ANKRD33: variants seen among roughly 807,000 people sequenced by gnomAD.
ANKRD33 encodes the protein photoreceptor ankyrin repeat protein.
In ANKRD33, 20 loss-of-function variants were observed where a neutral mutation model predicts 20.6. That is an observed-to-expected ratio of 0.97 (90% confidence interval 0.68 to 1.41). The LOEUF (loss-of-function observed/expected upper bound fraction) is 1.41. Among genes scored for constraint, ANKRD33 ranks in the 40% most tolerant of loss-of-function variants. The pLI is 0.00. For missense variants in ANKRD33, 545 were observed against 579.6 expected (o/e 0.94, Z 0.61); for synonymous variants, 246 against 245.0 (o/e 1.00, Z -0.04).
intron 4 of ANKRD33, chr12:51,890,302 C>T (rs778685017): frequency 8.7e-5 from 60 of 690,386 alleles, no homozygotes; most frequent in Admixed American, 3.5e-4. Flanking sequence ...CAGCCTGCAC[C>T]GCTGCTCTGC....
At chr12:51,890,307 C>A in intron 4 of ANKRD33, 1 of 726,768 alleles carries the variant, frequency 1.4e-6, no homozygotes, top group Non-Finnish European at 2.3e-6. Context: ...TGCACCGCTG[C>A]TCTGCTCAGC....
In ANKRD33 at chr12:51,891,641, ATAAC is replaced by A. The variant is rs1940431768; in HGVS notation, c.*340_*343del. 3 of 325,950 alleles carry A rather than the reference ATAAC, an allele frequency of 9.2e-6. No individual in the cohort carries two copies. The highest frequency in any genetic ancestry group is 4.1e-5 in the African/African-American group (2 of 48,782). 20.2% of individuals were successfully genotyped at this position (325,950 alleles called of 1,614,324 possible). A position where few individuals can be genotyped will look rare whatever the true frequency, so the allele number is the denominator to read the frequency against. On this transcript the variant is annotated 3_prime_UTR_variant, in exon 5 of 5. Coordinates refer to ENST00000301190, the MANE Select transcript of ANKRD33 (RefSeq NM_182608.4). Reference sequence around the variant, plus strand: ...TACCATCAAGATGTATAAAGTAAAAATAACTAAGGAGTGGAACAGTGTATATGGC... The same window carrying A: ...TACCATCAAGATGTATAAAGTAAAAATAAGGAGTGGAACAGTGTATATGGC...
In ANKRD33 at chr12:51,890,995, C is replaced by T. The variant is rs747774113; in HGVS notation, c.1049C>T (p.Pro350Leu). The change falls in exon 5 of 5, where the codon CCG (proline) becomes CTG (leucine). Residue 350 changes from proline (P) to leucine (L), a missense_variant. Coordinates refer to ENST00000301190, the MANE Select transcript of ANKRD33 (RefSeq NM_182608.4). The part of the protein sequence containing the change: ...KSVPELLGTA[P>L]PPPLVPQSPP... Reference sequence around the variant, plus strand: ...GTGCCAGAGCTGTTAGGTACTGCCCCGCCCCCTCCCCTGGTTCCCCAGTCC... The same window carrying T: ...GTGCCAGAGCTGTTAGGTACTGCCCTGCCCCCTCCCCTGGTTCCCCAGTCC... 2.2e-5 allele frequency: 36 copies of T among 1,613,380 alleles called. No homozygotes were observed. The East Asian group carries it at 4.5e-4, about 20-fold the overall frequency.
Position 51,891,060 on chromosome 12 carries a change from C to T in ANKRD33, c.1114C>T (p.Pro372Ser), listed in dbSNP as rs754311422. 4 of 1,614,132 alleles carry T rather than the reference C, an allele frequency of 2.5e-6. No homozygotes were observed. Among genetic ancestry groups the T allele is most frequent in the Non-Finnish European group, 3.4e-6 (4 of 1,180,024 alleles). The change falls in exon 5 of 5, where the codon CCC (proline) becomes TCC (serine). Residue 372 changes from proline (P) to serine (S), a missense_variant. Transcript: ENST00000301190. ...SPQRSPWVFV[P>S]YQSPQGILSK... ...CCAGAGGTCCCCGTGGGTCTTCGTC[C>T]CCTACCAGAGCCCTCAGGGCATATT...
Position 51,888,244 on chromosome 12 carries a change from G to C in ANKRD33, c.58G>C (p.Glu20Gln). Reference sequence around the variant, plus strand: ...TTCCTGGGGAGGGATAGTCCACCTGGAGGCATTCGGAGACCCAGTGATTGT... The same window carrying C: ...TTCCTGGGGAGGGATAGTCCACCTGCAGGCATTCGGAGACCCAGTGATTGT... The part of the protein sequence containing the change: ...VASWGGIVHL[E>Q]AFGDPVIVLR... The change falls in exon 1 of 5, where the codon GAG (glutamate) becomes CAG (glutamine). Residue 20 changes from glutamate (E) to glutamine (Q), a missense_variant. Coordinates refer to ENST00000301190, the MANE Select transcript of ANKRD33 (RefSeq NM_182608.4). The C allele has an allele frequency of 6.2e-7, 1 of 1,614,224 alleles. No individual in the cohort carries two copies.
At chr12:51,890,197 G>A (rs940301906) in intron 4 of ANKRD33, 46 of 382,322 alleles carry the variant, frequency 1.2e-4, no homozygotes, top group Admixed American at 4.4e-4. Flanking sequence ...GGGAGAGGGA[G>A]ATGGTGAGAA....
Position 51,888,350 on chromosome 12 carries a change from C to A in ANKRD33, c.145+19C>A. 6.2e-7 allele frequency: 1 copy of A among 1,613,798 alleles called. No individual in the cohort carries two copies. The highest frequency in any genetic ancestry group is 8.5e-7 in the Non-Finnish European group (1 of 1,179,998). On this transcript the variant is annotated intron_variant, in intron 1 of 4. Coordinates refer to ENST00000301190, the MANE Select transcript of ANKRD33 (RefSeq NM_182608.4). Reference sequence around the variant, plus strand: ...ACCCCAAGTAAGAAAAAACGACGACCCTCTCTCCGTGAGTCTCACTGGGGT... The same window carrying A: ...ACCCCAAGTAAGAAAAAACGACGACACTCTCTCCGTGAGTCTCACTGGGGT...
intron 3 of ANKRD33, 50 bp downstream of exon 3, chr12:51,889,246 A>G: frequency 4.3e-6 from 7 of 1,613,434 alleles, no homozygotes; most frequent in Non-Finnish European, 5.9e-6. Flanking sequence ...TGATGCAGAC[A>G]GGGCCTCAGC....
At chr12:51,890,486 G>C in intron 4 of ANKRD33, 98 bp from the exon 5 acceptor site, 1 of 1,536,848 alleles carries the variant, frequency 6.5e-7, no homozygotes, top group Non-Finnish European at 8.7e-7. Flanking sequence ...CTATGGCTTC[G>C]AATGTAACCC....
At position 51,888,715 on chromosome 12, in the gene ANKRD33, C is replaced by A; in HGVS notation, c.293C>A (p.Ala98Asp). 6.2e-7 allele frequency: 1 copy of A among 1,613,936 alleles called. No homozygotes were observed. Among genetic ancestry groups the A allele is most frequent in the South Asian group, 1.1e-5 (1 of 91,062 alleles). The change falls in exon 2 of 5, where the codon GCC (alanine) becomes GAC (aspartate). Residue 98 changes from alanine (A) to aspartate (D), a missense_variant. Physicochemically the swap from Ala to Asp is moderately radical, Grantham distance 126. Coordinates refer to ENST00000301190, the MANE Select transcript of ANKRD33 (RefSeq NM_182608.4). The part of the protein sequence containing the change: ...ETPTPGCRLG[A>D]LYWACVHNDP... ...CCCACCCCAGGCTGCAGGCTGGGGG[C>A]CCTGTATTGGGCCTGTGTCCACAAT...
chr12:51,888,167 G>C lies in ANKRD33; in HGVS notation c.-20G>C. The C allele has an allele frequency of 1.2e-6, 2 of 1,613,156 alleles. No homozygotes were observed. On this transcript the variant is annotated 5_prime_UTR_variant, in exon 1 of 5. Coordinates refer to ENST00000301190, the MANE Select transcript of ANKRD33 (RefSeq NM_182608.4). ...GCTGCTTGATCCGGCTCAGCCCCGA[G>C]GTGTTTGCAGCAGCTCTTTATGAAA...
chr12:51,889,825 G>A (rs893561262), intron 4 of ANKRD33: 5 of 355,978 alleles, frequency 1.4e-5, no homozygotes, highest in Non-Finnish European at 2.6e-5. Flanking sequence ...CTAGCTGAGT[G>A]GCTTCCCTCT....
chr12:51,890,006 G>T, intron 4 of ANKRD33: 1 of 219,344 alleles, frequency 4.6e-6, no homozygotes. Flanking sequence ...TTGTTTGGGG[G>T]CCCTTCTTCC....
chr12:51,890,326 T>C, intron 4 of ANKRD33: 1 of 835,628 alleles, frequency 1.2e-6, no homozygotes, highest in Non-Finnish European at 1.9e-6. Context: ...GCTCCTTGGA[T>C]TGAGGAGATC....
In ANKRD33 at chr12:51,891,319, A is replaced by G. The variant is rs201528215; in HGVS notation, c.*14A>G. 17 of 1,611,052 alleles carry G rather than the reference A, an allele frequency of 1.1e-5. No individual in the cohort carries two copies. In the East Asian group the frequency reaches 1.1e-4, roughly 11 times the overall value. ...GCACAGAAGTAGGGGAAGATGGGATAGGACAGGCTGGGAACAGGTAATCAG... is the reference window on the plus strand; with the variant it reads ...GCACAGAAGTAGGGGAAGATGGGATGGGACAGGCTGGGAACAGGTAATCAG... On this transcript the variant is annotated 3_prime_UTR_variant, in exon 5 of 5. Coordinates refer to ENST00000301190, the MANE Select transcript of ANKRD33 (RefSeq NM_182608.4).
intron 2 of ANKRD33, 97 bp downstream of exon 2, chr12:51,888,915 C>T (rs748390149): frequency 6.3e-7 from 1 of 1,588,646 alleles, no homozygotes; most frequent in South Asian, 1.1e-5. Context: ...AGGGGCAATA[C>T]CTCCTGCAGT....
At chr12:51,890,561 TC>T (rs747555275) in intron 4 of ANKRD33, 22 bp from the exon 5 acceptor site, 5 of 1,602,938 alleles carry the variant, frequency 3.1e-6, no homozygotes, top group Non-Finnish European at 3.4e-6. Context: ...CCGCCCCATG[TC>T]ACCCCCTGTG....
intron 2 of ANKRD33, 25 bp from the exon 3 acceptor site, chr12:51,889,042 G>T: frequency 1.9e-6 from 3 of 1,613,958 alleles, no homozygotes; most frequent in Non-Finnish European, 2.5e-6. Context: ...GGGAAAGCAG[G>T]GGATCTGAGC....
chr12:51,889,068 C>G lies in ANKRD33; in HGVS notation c.398C>G (p.Thr133Arg). 2 of 1,614,148 alleles carry G rather than the reference C, an allele frequency of 1.2e-6. No homozygotes were observed. Among genetic ancestry groups the G allele is most frequent in the Non-Finnish European group, 8.5e-7 (1 of 1,180,000 alleles). ...EATQVDSNGR[T>R]GLMVACYHGF... ...GGATCTGAGCTGCCCCTCCCTCAGA[C>G]AGGCCTCATGGTCGCATGCTACCAC... Residue 133 changes from threonine (T) to arginine (R), a missense_variant and splice_region_variant, in exon 3 of 5, where the codon ACA becomes AGA. By Grantham distance (71) the Thr-to-Arg change is moderately conservative. Transcript: ENST00000301190.
Sources: gnomAD v4.1 joint callset for allele counts on GRCh38, gnomAD v4.1.1 for gene constraint, MANE v1.5 for transcripts, NCBI Gene and HGNC (gene_info 2026-07-23, HGNC 2026-07-21) for gene names.